The following ARHGAP32 variants were observed in gnomAD, a reference collection of about 807,000 sequenced individuals.
ARHGAP32 encodes the protein Rho GTPase activating protein 32.
Under a neutral mutation model 186.5 loss-of-function variants are expected in ARHGAP32, and 51 were observed. The ratio of observed to expected loss-of-function variants is 0.27; its 90% CI spans 0.22 to 0.35. The LOEUF (loss-of-function observed/expected upper bound fraction) is 0.35, where lower values mean the gene tolerates loss of function less well. ARHGAP32 is among the 10% of genes least tolerant of loss of function. The pLI, the probability that ARHGAP32 is intolerant of heterozygous loss-of-function variation, is 1.00. For synonymous variants in ARHGAP32, 950 were observed against 964.3 expected, an observed-to-expected ratio of 0.99 and a Z score of 0.27; for missense variants, 2,186 against 2,623.5, an observed-to-expected ratio of 0.83 and a Z score of 3.64.
chr11:129,119,030 G>A (rs1175373663), intron 5 of ARHGAP32, among the ~76,000 whole-genome samples: 1 of 151,982 alleles, frequency 6.6e-6, no homozygotes, highest in East Asian at 1.9e-4. Flanking sequence ...CATGGAAGTA[G>A]ACTAAAATAA....
In ARHGAP32 at chr11:128,981,940, GA is replaced by G; in HGVS notation, c.1527-5del. The G allele has an allele frequency of 6.4e-7, 1 of 1,551,982 alleles. No individual in the cohort carries two copies. The highest frequency in any genetic ancestry group is 8.9e-7 in the Non-Finnish European group (1 of 1,127,880). On this transcript the variant is annotated splice_polypyrimidine_tract_variant and splice_region_variant and intron_variant, in intron 15 of 22. Coordinates refer to ENST00000682385, the MANE Select transcript of ARHGAP32 (RefSeq NM_001378024.1). ...TCTCATCAGGAACTCCAGTGTTCTG[GA>G]AATAAAATACAACATATTAACAGAA... is the stretch of plus-strand genomic sequence containing the variant.
chr11:129,082,881 A>G (rs1266469319), intron 6 of ARHGAP32, among the ~76,000 whole-genome samples: 1 of 151,712 alleles, frequency 6.6e-6, no homozygotes, highest in Non-Finnish European at 1.5e-5. Context: ...TCAGCAAGAC[A>G]AAACAACAAC....
chr11:129,278,694 G>C (rs1452814845), intron 1 of ARHGAP32, among the ~76,000 whole-genome samples: 1 of 151,942 alleles, frequency 6.6e-6, no homozygotes, highest in Non-Finnish European at 1.5e-5. Context: ...CTCTGGCCCC[G>C]CGGGGCCCAC....
chr11:129,213,875 G>A (rs114721920), intron 1 of ARHGAP32, among the ~76,000 whole-genome samples: 5 of 151,976 alleles, frequency 3.3e-5, no homozygotes, highest in African/African-American at 7.2e-5. Context: ...TTTGTAGGGC[G>A]AAAAGTCAGT....
At chr11:128,991,228 T>C (rs1047815502) in intron 12 of ARHGAP32, among the ~76,000 whole-genome samples, 9 of 152,298 alleles carry the variant, frequency 5.9e-5, no homozygotes, top group African/African-American at 2.2e-4. Flanking sequence ...TAATACTTCA[T>C]GGCAAGCATC....
In ARHGAP32 at chr11:129,093,684, A is replaced by T. The variant is rs767247481; in HGVS notation, c.468T>A (p.Asn156Lys). The T allele has an allele frequency of 6.3e-7, 1 of 1,599,610 alleles. No homozygotes were observed. The highest frequency in any genetic ancestry group is 8.5e-7 in the Non-Finnish European group (1 of 1,172,236). ...SIQLSLSEEQ[N>K]EVMKNGCESK... ...ATTCACAGCCATTTTTCATTACTTC[A>T]TTCTGTTCTTCTGAAAGTGAAAGCT... The change falls in exon 6 of 23, where the codon AAT becomes AAA. Residue 156 changes from asparagine (N) to lysine (K), a missense_variant. This residue lies in a region of ARHGAP32 where 308 missense variants were observed against 596.5 expected (regional missense o/e 0.52). Coordinates refer to ENST00000682385, the MANE Select transcript of ARHGAP32 (RefSeq NM_001378024.1).
intron 1 of ARHGAP32, among the ~76,000 whole-genome samples, chr11:129,165,233 C>T (rs1032687529): frequency 2.6e-5 from 4 of 151,860 alleles, no homozygotes; most frequent in African/African-American, 9.7e-5. Context: ...CCTAAGCTTA[C>T]AAATATGTAG....
intron 5 of ARHGAP32, among the ~76,000 whole-genome samples, chr11:129,097,579 A>G (rs1468939683): frequency 6.6e-6 from 1 of 152,174 alleles, no homozygotes; most frequent in African/African-American, 2.4e-5. Flanking sequence ...CAGAAGAAAC[A>G]ATTAGTTAAC....
At chr11:129,171,997 T>A (rs1026422709) in intron 1 of ARHGAP32, among the ~76,000 whole-genome samples, 1 of 152,180 alleles carries the variant, frequency 6.6e-6, no homozygotes. Context: ...AAAGGAATGC[T>A]TGGGATTTTT....
At chr11:129,073,504 G>C (rs1450390252) in intron 6 of ARHGAP32, among the ~76,000 whole-genome samples, 1 of 152,036 alleles carries the variant, frequency 6.6e-6, no homozygotes, top group Non-Finnish European at 1.5e-5. Context: ...TGGAGCTTGA[G>C]GGTATCACAA....
At position 129,156,465 on chromosome 11, in the gene ARHGAP32, A is replaced by G. The variant is rs118156258; in HGVS notation, c.225+7854T>C. Among the ~76,000 whole-genome samples, 186 of 152,260 alleles carry G rather than the reference A, an allele frequency of 1.2e-3. 3 individuals carry two copies. In the East Asian group the frequency reaches 0.03, roughly 24 times the overall value. On this transcript the variant is annotated intron_variant, in intron 2 of 22. Transcript: ENST00000682385. ...GCAATTTTCCCCTCACAATGTAAAC[A>G]AAGCCCCTGGGAAGTTGGGACAGTG...
intron 1 of ARHGAP32, among the ~76,000 whole-genome samples, chr11:129,170,989 T>C (rs1019726052): frequency 2.6e-5 from 4 of 152,244 alleles, no homozygotes; most frequent in Non-Finnish European, 5.9e-5. Context: ...TCTGTTCATA[T>C]CCTTTGCCAA....
At chr11:129,238,047 G>C (rs1348386433) in intron 1 of ARHGAP32, among the ~76,000 whole-genome samples, 1 of 152,086 alleles carries the variant, frequency 6.6e-6, no homozygotes, top group East Asian at 1.9e-4. Context: ...CAGAGAAAAA[G>C]TCAAGTCACC....
rs60941082 is a variant in ARHGAP32, at chr11:129,263,553, C to CAA, written c.-5+15591_-5+15592dup. ...CCTTACCCATTAAAATGGCTACTGG[C>CAA]AAAAAAAAGGAGGAGGAGGAGAAGG... On this transcript the variant is annotated intron_variant, in intron 1 of 6. Transcript: ENST00000525234. Among the ~76,000 whole-genome samples, 340 of 137,232 alleles carry CAA rather than the reference C, an allele frequency of 2.5e-3. 4 individuals are homozygous for CAA. Among genetic ancestry groups the CAA allele is most frequent in the African/African-American group, 7.8e-3 (283 of 36,364 alleles). The allele number at this position is 137,232 out of a possible 152,430, so 90.0% of individuals were successfully genotyped here.
rs73017269 is a variant in ARHGAP32 at position 129,087,017 on chromosome 11, G to A, written c.531+6604C>T. On this transcript the variant is annotated intron_variant, in intron 6 of 22. Coordinates refer to ENST00000682385, the MANE Select transcript of ARHGAP32 (RefSeq NM_001378024.1). ...AAATGCTCAACATCATATGTCATTA[G>A]GGAATTCCAAATTAAAACAATGAAA... Among the ~76,000 whole-genome samples the A allele has an allele frequency of 5.6e-3, 846 of 152,166 alleles. 8 individuals are homozygous for A. Among genetic ancestry groups the A allele is most frequent in the Non-Finnish European group, 7.9e-3 (539 of 68,014 alleles).
intron 6 of ARHGAP32, among the ~76,000 whole-genome samples, chr11:129,067,168 T>G (rs1412631596): frequency 6.6e-6 from 1 of 152,038 alleles, no homozygotes; most frequent in Non-Finnish European, 1.5e-5. Flanking sequence ...AACATGTGAT[T>G]TTAAATCTAC....
chr11:129,057,926 C>A (rs1232712433), intron 10 of ARHGAP32, among the ~76,000 whole-genome samples: 1 of 151,996 alleles, frequency 6.6e-6, no homozygotes, highest in Non-Finnish European at 1.5e-5. Flanking sequence ...AAGAAAGTGA[C>A]CATCTGTGAG....
chr11:129,054,157 T>A (rs1294940605), intron 10 of ARHGAP32, among the ~76,000 whole-genome samples: 1 of 151,904 alleles, frequency 6.6e-6, no homozygotes, highest in Non-Finnish European at 1.5e-5. Context: ...AAAAACGAAA[T>A]AGGTGATCCT....
chr11:129,122,405 TCAAA>T (rs1278425511), intron 5 of ARHGAP32, among the ~76,000 whole-genome samples: 8 of 151,960 alleles, frequency 5.3e-5, no homozygotes, highest in African/African-American at 1.9e-4. Context: ...ACTAAATCAC[TCAAA>T]CAGATATATC....
Sources: allele counts gnomAD v4.1 joint callset (sites outside exome capture counted in the v4.1 genomes callset), GRCh38; gene constraint gnomAD v4.1.1; regional missense constraint gnomAD v4.1.1; transcripts MANE v1.5; gene names NCBI Gene and HGNC (gene_info 2026-07-23, HGNC 2026-07-21).